ERBB3: variants seen among roughly 807,000 people sequenced by gnomAD.
ERBB3 encodes erb-b2 receptor tyrosine kinase 3.
ERBB3 carries 96 observed loss-of-function variants against 156.7 expected under a neutral mutation model. The ratio of observed to expected loss-of-function variants is 0.61; its 90% CI spans 0.52 to 0.73. The LOEUF is 0.73. Among genes scored for constraint, ERBB3 ranks in the 30% least tolerant of loss-of-function variants. The pLI, the probability that ERBB3 is intolerant of heterozygous loss-of-function variation, is 0.00. For synonymous variants in ERBB3, 567 were observed against 632.0 expected (o/e 0.90, Z 1.54); for missense variants, 1,406 against 1,709.4 (o/e 0.82, Z 3.13).
rs1310342152 is a variant in ERBB3 at position 56,087,773 on chromosome 12, C to T, written c.614-22C>T. ...ATTCAGTCCTAGGAGCCCTAACAGC[C>T]ATGCTTTCTCTCCTTCCATAGTGAC... On this transcript the variant is annotated intron_variant, in intron 5 of 27. Transcript: ENST00000267101. 5 of 1,605,718 alleles carry T rather than the reference C, an allele frequency of 3.1e-6. No individual in the cohort carries two copies. In the South Asian group the frequency reaches 5.5e-5, roughly 18 times the overall value.
At chr12:56,098,074 T>G in intron 21 of ERBB3, 134 bp downstream of exon 21, 1 of 879,104 alleles carries the variant, frequency 1.1e-6, no homozygotes, top group Non-Finnish European at 1.8e-6. Context: ...ATGCCAGATA[T>G]TTTAGTTCAG....
Position 56,101,608 on chromosome 12 carries a change from TGAG to T in ERBB3, c.3586_3588del (p.Glu1196del), listed in dbSNP as rs769797702. 3 of 1,613,734 alleles carry T rather than the reference TGAG, an allele frequency of 1.9e-6. No homozygotes were observed. The highest frequency in any genetic ancestry group is 2.5e-6 in the Non-Finnish European group (3 of 1,179,870). On this transcript the variant is annotated inframe_deletion, in exon 28 of 28. Coordinates refer to ENST00000267101, the MANE Select transcript of ERBB3 (RefSeq NM_001982.4). Reference sequence around the variant, plus strand: ...TGGGTACTGAAGAAGAAGATGAAGATGAGGAGTATGAATACATGAACCGGAGGA... The same window carrying T: ...TGGGTACTGAAGAAGAAGATGAAGATGAGTATGAATACATGAACCGGAGGA...
rs1390976663 is a variant in ERBB3, at chr12:56,092,614, C to G, written c.1110-133C>G. The G allele has an allele frequency of 1.1e-5, 8 of 743,856 alleles. No homozygotes were observed. In the East Asian group the frequency reaches 1.8e-4, roughly 16 times the overall value. The allele number at this position is 743,856 out of a possible 1,614,324, so 46.1% of individuals were successfully genotyped here. ...GGGCTTATATTATATTTCCCCCATC[C>G]CAGCCATTTCTCCAAGGAATGTTTC... On this transcript the variant is annotated intron_variant, in intron 9 of 27. Coordinates refer to ENST00000267101, the MANE Select transcript of ERBB3 (RefSeq NM_001982.4).
In ERBB3 at chr12:56,101,042, T is replaced by C; in HGVS notation, c.3202-19T>C. 1 of 1,607,774 alleles carries C rather than the reference T, an allele frequency of 6.2e-7. No homozygotes were observed. ...ATGTAAATTTCCTTGCATTATTTTC[T>C]GTTTATTTTCTTCCTTAGGAGTCTG... On this transcript the variant is annotated intron_variant, in intron 26 of 27. Transcript: ENST00000267101.
rs1868563150 is a variant in ERBB3 at position 56,088,574 on chromosome 12, C to G, written c.906C>G (p.Val302=). 6.2e-7 allele frequency: 1 copy of G among 1,614,010 alleles called. No homozygotes were observed. Among genetic ancestry groups the G allele is most frequent in the African/African-American group, 1.3e-5 (1 of 75,034 alleles). Residue 302 remains valine (V), a synonymous_variant, in exon 8 of 28, where the codon GTC becomes GTG. Transcript: ENST00000267101. ...TTGTGGTGGATCAAACATCCTGTGT[C>G]AGGGCCTGTCCTCCTGACAAGATGG... ...HNFVVDQTSC[V]RACPPDKMEV...
chr12:56,086,497 G>T, intron 3 of ERBB3, 34 bp from the exon 4 acceptor site: 1 of 1,613,612 alleles, frequency 6.2e-7, no homozygotes, highest in Non-Finnish European at 8.5e-7. Context: ...TTCCGCTGCG[G>T]CCCTTAACCC....
Position 56,080,298 on chromosome 12 carries a change from G to T in ERBB3, c.-3G>T. On this transcript the variant is annotated 5_prime_UTR_variant, in exon 1 of 28. Transcript: ENST00000267101. ...CTGGGCTCCCTTCACCCTCTGCGGA[G>T]TCATGAGGGCGAACGACGCTCTGCA... 8 of 1,563,030 alleles carry T rather than the reference G, an allele frequency of 5.1e-6. No homozygotes were observed. The highest frequency in any genetic ancestry group is 6.9e-6 in the Non-Finnish European group (8 of 1,152,510).
chr12:56,089,751 A>AG (rs974875292), intron 9 of ERBB3, among the ~76,000 whole-genome samples: 1 of 151,808 alleles, frequency 6.6e-6, no homozygotes, highest in African/African-American at 2.4e-5. Context: ...CTCAAAAAAA[A>AG]AAAAGAAAAG....
intron 11 of ERBB3, 87 bp from the exon 12 acceptor site, chr12:56,093,258 G>A: frequency 5.9e-6 from 8 of 1,346,732 alleles, no homozygotes; most frequent in Non-Finnish European, 8.5e-6. Context: ...GACTAGCACT[G>A]AGCAAATTTC....
At chr12:56,096,240 C>G (rs537875605) in intron 17 of ERBB3, 1 of 563,370 alleles carries the variant, frequency 1.8e-6, no homozygotes, top group African/African-American at 1.9e-5. Context: ...CCAACTCTCC[C>G]TAGCTGTCCC....
At chr12:56,090,843 A>G (rs1868657278) in intron 9 of ERBB3, among the ~76,000 whole-genome samples, 2 of 152,166 alleles carry the variant, frequency 1.3e-5, no homozygotes, top group African/African-American at 4.8e-5. Flanking sequence ...TAACCACAGC[A>G]TAGTTGTTTG....
chr12:56,083,806 C>T lies in ERBB3; in HGVS notation c.138C>T (p.Tyr46=), dbSNP rs753681468. 1.2e-6 allele frequency: 2 copies of T among 1,614,070 alleles called. No individual in the cohort carries two copies. The highest frequency in any genetic ancestry group is 2.2e-5 in the East Asian group (1 of 44,878). The change falls in exon 2 of 28, where the codon TAC becomes TAT. Residue 46 remains tyrosine, a synonymous_variant. Coordinates refer to ENST00000267101, the MANE Select transcript of ERBB3 (RefSeq NM_001982.4). ...TGACCGGCGATGCTGAGAACCAATA[C>T]CAGACACTGTACAAGCTCTACGAGA... ...LSVTGDAENQ[Y]QTLYKLYERC...
At chr12:56,088,975 T>A (rs544239965) in intron 9 of ERBB3, 107 bp downstream of exon 9, 1 of 1,463,556 alleles carries the variant, frequency 6.8e-7, no homozygotes, top group Non-Finnish European at 9.6e-7. Flanking sequence ...ATCAAAGTCA[T>A]AAAATTCTAG....
rs772576333 is a variant in ERBB3, at chr12:56,086,667, G to C, written c.547+11G>C. The C allele has an allele frequency of 1.2e-6, 2 of 1,613,838 alleles. No individual in the cohort carries two copies. Among genetic ancestry groups the C allele is most frequent in the East Asian group, 4.5e-5 (2 of 44,880 alleles). On this transcript the variant is annotated intron_variant, in intron 4 of 27. Coordinates refer to ENST00000267101, the MANE Select transcript of ERBB3 (RefSeq NM_001982.4). Reference sequence around the variant, plus strand: ...ACAATGGCAGAAGCTGTAAGTGGCCGTGATCAAGATTGCTCCCCAGTCCCA... The same window carrying C: ...ACAATGGCAGAAGCTGTAAGTGGCCCTGATCAAGATTGCTCCCCAGTCCCA...
intron 20 of ERBB3, among the ~76,000 whole-genome samples, chr12:56,097,532 G>A (rs989228189): frequency 6.6e-6 from 1 of 152,172 alleles, no homozygotes; most frequent in Non-Finnish European, 1.5e-5. Flanking sequence ...TGTGAACTGT[G>A]CATGTGAAGG....
In ERBB3 at chr12:56,100,027, G is replaced by T; in HGVS notation, c.3127G>T (p.Gly1043Trp). The T allele has an allele frequency of 6.2e-7, 1 of 1,614,150 alleles. No individual in the cohort carries two copies. Among genetic ancestry groups the T allele is most frequent in the Non-Finnish European group, 8.5e-7 (1 of 1,179,976 alleles). The change falls in exon 25 of 28, where the codon GGG (glycine) becomes TGG (tryptophan). Residue 1043 changes from glycine to tryptophan, a missense_variant and splice_region_variant. Gly to Trp is a radical substitution (Grantham distance 184). This residue lies in a region of ERBB3 where 415 missense variants were observed against 454.1 expected (regional missense o/e 0.91). Coordinates refer to ENST00000267101, the MANE Select transcript of ERBB3 (RefSeq NM_001982.4). ...LPVGTLNRPRGSQSLLSPSSG... is the reference protein window; with the variant it reads ...LPVGTLNRPRWSQSLLSPSSG... ...AGTTGGAACACTTAATCGGCCACGT[G>T]GGGTAAGACAACTTCTAATTACCCA...
intron 5 of ERBB3, 55 bp downstream of exon 5, chr12:56,087,697 T>G (rs958834218): frequency 1.9e-6 from 3 of 1,599,120 alleles, no homozygotes; most frequent in Non-Finnish European, 2.6e-6. Flanking sequence ...TATCCCTTCC[T>G]CCCCAAGCCT....
chr12:56,098,953 TTC>T (rs749701200), intron 23 of ERBB3, 48 bp downstream of exon 23: 15 of 1,547,368 alleles, frequency 9.7e-6, no homozygotes, highest in South Asian at 2.4e-5. Flanking sequence ...TTCTTTTTTT[TTC>T]TTTTTTTTTT....
chr12:56,094,029 G>A (rs1868808791), intron 13 of ERBB3, 70 bp from the exon 14 acceptor site: 14 of 1,556,820 alleles, frequency 9.0e-6, no homozygotes, highest in Non-Finnish European at 1.2e-5. Context: ...GGAGACCTGT[G>A]GTTGTGAGAT....
Sources: gnomAD v4.1 joint callset for allele counts (sites outside exome capture counted in the v4.1 genomes callset) on GRCh38, gnomAD v4.1.1 for gene constraint, gnomAD v4.1.1 regional missense constraint, MANE v1.5 for transcripts, NCBI Gene and HGNC (gene_info 2026-07-23, HGNC 2026-07-21) for gene names.